MYO1D: variants seen among roughly 807,000 people sequenced by gnomAD.
The protein encoded by MYO1D is unconventional myosin-Id.
A neutral mutation model predicts 122.0 loss-of-function variants in MYO1D; 83 were observed. The ratio of observed to expected loss-of-function variants is 0.68; its 90% CI spans 0.57 to 0.82. The LOEUF (loss-of-function observed/expected upper bound fraction) is 0.82. Ranked by LOEUF, MYO1D falls within the 40% of genes least tolerant of loss-of-function variation. MYO1D has a pLI of 0.00. For synonymous variants in MYO1D, 464 were observed against 446.9 expected (o/e 1.04, Z -0.48); for missense variants, 1,157 against 1,269.5 (o/e 0.91, Z 1.35).
At chr17:32,666,914 T>G (rs2088644294) in intron 16 of MYO1D, among the ~76,000 whole-genome samples, 1 of 152,226 alleles carries the variant, frequency 6.6e-6, no homozygotes, top group Admixed American at 6.5e-5. Context: ...GCATCTTTCT[T>G]CCATTTCTAT....
intron 1 of MYO1D, among the ~76,000 whole-genome samples, chr17:32,822,800 C>G (rs972754974): frequency 7.3e-5 from 11 of 151,628 alleles, no homozygotes; most frequent in Admixed American, 3.9e-4. Flanking sequence ...CGCTCGCGAC[C>G]GCTCCTCAGT....
intron 16 of MYO1D, among the ~76,000 whole-genome samples, chr17:32,693,470 T>C (rs1007263565): frequency 5.3e-5 from 8 of 152,214 alleles, no homozygotes; most frequent in African/African-American, 1.9e-4. Context: ...AGGTGTATTT[T>C]AGCTAGCAAA....
intron 16 of MYO1D, among the ~76,000 whole-genome samples, chr17:32,696,808 T>C (rs568251419): frequency 1.3e-5 from 2 of 152,310 alleles, no homozygotes; most frequent in East Asian, 3.9e-4. Flanking sequence ...AATATTTGTT[T>C]GAATATTTTT....
rs75613230 is a variant in MYO1D, at chr17:32,649,481, T to C, written c.2595+4362A>G. On this transcript the variant is annotated intron_variant, in intron 19 of 21. Transcript: ENST00000318217. ...TCCATGTGTATCTGGTTATTTTTCTTAGTATAATATCAACGTTCACCTTGG... is the reference window on the plus strand; with the variant it reads ...TCCATGTGTATCTGGTTATTTTTCTCAGTATAATATCAACGTTCACCTTGG... Among the ~76,000 whole-genome samples, 734 of 152,294 alleles carry C rather than the reference T, an allele frequency of 4.8e-3. 3 individuals are homozygous for C. Among genetic ancestry groups the C allele is most frequent in the South Asian group, 6.0e-3 (29 of 4,826 alleles).
At chr17:32,713,468 C>CT (rs970353602) in intron 15 of MYO1D, among the ~76,000 whole-genome samples, 1 of 151,988 alleles carries the variant, frequency 6.6e-6, no homozygotes, top group African/African-American at 2.4e-5. Context: ...TAATTCTTTT[C>CT]TTTTTTAAAG....
chr17:32,652,511 T>A (rs1302838204), intron 19 of MYO1D, among the ~76,000 whole-genome samples: 3 of 152,204 alleles, frequency 2.0e-5, no homozygotes, highest in Non-Finnish European at 4.4e-5. Context: ...CTAGTTAATA[T>A]TTTTTAAAAA....
Position 32,622,816 on chromosome 17 carries a change from A to G in MYO1D, c.2709+15906T>C, listed in dbSNP as rs566387076. On this transcript the variant is annotated intron_variant, in intron 20 of 21. Transcript: ENST00000318217. ...GAACGATGCTGAGGACTTTCCACGC[A>G]TTATTTCATATACCTCATTTTGGGC... Among the ~76,000 whole-genome samples the G allele has an allele frequency of 7.2e-5, 11 of 152,318 alleles. No individual in the cohort carries two copies. The South Asian group carries it at 2.1e-3, about 29-fold the overall frequency.
chr17:32,873,103 T>C (rs2091197257), intron 1 of MYO1D, among the ~76,000 whole-genome samples: 2 of 152,028 alleles, frequency 1.3e-5, no homozygotes, highest in African/African-American at 4.8e-5. Context: ...GCCAGATTAA[T>C]AGCAAAACAA....
intron 16 of MYO1D, among the ~76,000 whole-genome samples, chr17:32,664,101 A>AT (rs1180229276): frequency 2.6e-5 from 4 of 152,322 alleles, no homozygotes; most frequent in African/African-American, 9.6e-5. Context: ...CTTAGGCTCT[A>AT]TTTTTTAACA....
chr17:32,712,097 T>G lies in MYO1D; in HGVS notation c.2012A>C (p.Asp671Ala), dbSNP rs1042658300. The G allele has an allele frequency of 6.2e-7, 1 of 1,614,138 alleles. No homozygotes were observed. The change falls in exon 16 of 22, where the codon GAT becomes GCT. Residue 671 changes from aspartate to alanine, a missense_variant. Coordinates refer to ENST00000318217, the MANE Select transcript of MYO1D (RefSeq NM_015194.3). ...AATTTTGGTCTTCCCATAAGCTACA[T>G]CATCCTGAAAACCACACCGTTCAAT... is the stretch of plus-strand genomic sequence containing the variant. ...KLIERCGFQDDVAYGKTKIFI... is the reference protein window; with the variant it reads ...KLIERCGFQDAVAYGKTKIFI...
chr17:32,536,373 A>C (rs1021917171), intron 21 of MYO1D, among the ~76,000 whole-genome samples: 5 of 152,224 alleles, frequency 3.3e-5, no homozygotes, highest in Non-Finnish European at 7.3e-5. Context: ...TTCTAGGTCT[A>C]AAAAAGGAAA....
At chr17:32,514,197 G>A (rs1909801472) in intron 21 of MYO1D, among the ~76,000 whole-genome samples, 1 of 130,336 alleles carries the variant, frequency 7.7e-6, no homozygotes, top group Non-Finnish European at 1.5e-5. Flanking sequence ...CTGAGATTGT[G>A]CCACTGCACT....
intron 19 of MYO1D, among the ~76,000 whole-genome samples, chr17:32,652,527 A>G (rs1338631775): frequency 6.6e-6 from 1 of 152,136 alleles, no homozygotes; most frequent in African/African-American, 2.4e-5. Context: ...AAAAATTATA[A>G]TTTCATTAAT....
At position 32,721,026 on chromosome 17, in the gene MYO1D, T is replaced by C. The variant is rs1288279376; in HGVS notation, c.1910A>G (p.His637Arg). ...AFRQTYEKFL[H>R]RYKMISEFTW... ...TCTCTGACGAGTCTATTCTCACCTG[T>C]GAAGAAACTTCTCGTATGTCTGGCG... Residue 637 changes from histidine to arginine, a missense_variant, in exon 15 of 22, where the codon CAC becomes CGC. His to Arg is a conservative substitution (Grantham distance 29). Coordinates refer to ENST00000318217, the MANE Select transcript of MYO1D (RefSeq NM_015194.3). 6.2e-7 allele frequency: 1 copy of C among 1,613,898 alleles called. No individual in the cohort carries two copies. Among genetic ancestry groups the C allele is most frequent in the Non-Finnish European group, 8.5e-7 (1 of 1,179,856 alleles).
At chr17:32,502,986 CG>C (rs1321982813) in intron 21 of MYO1D, among the ~76,000 whole-genome samples, 2 of 152,164 alleles carry the variant, frequency 1.3e-5, no homozygotes, top group Non-Finnish European at 2.9e-5. Context: ...CTGTGGAATT[CG>C]GGGACTTTCA....
intron 21 of MYO1D, among the ~76,000 whole-genome samples, chr17:32,593,198 T>C (rs986645237): frequency 7.2e-5 from 11 of 152,204 alleles, no homozygotes; most frequent in African/African-American, 2.4e-4. Context: ...AATTTCCCCC[T>C]GGTGGCAAGG....
chr17:32,749,517 G>A (rs1486204943), intron 11 of MYO1D, among the ~76,000 whole-genome samples: 1 of 152,136 alleles, frequency 6.6e-6, no homozygotes, highest in Admixed American at 6.5e-5. Context: ...GATTGCTTGA[G>A]ACCAGTAGTT....
chr17:32,791,363 C>CAAAAA (rs60741553), intron 1 of MYO1D, among the ~76,000 whole-genome samples: 5 of 49,458 alleles, frequency 1.0e-4, no homozygotes, highest in African/African-American at 1.9e-4. Context: ...GACTCCGTCT[C>CAAAAA]AAAAAAAAAA....
intron 21 of MYO1D, among the ~76,000 whole-genome samples, chr17:32,603,870 G>T (rs776934863): frequency 2.0e-5 from 3 of 152,026 alleles, no homozygotes; most frequent in Non-Finnish European, 4.4e-5. Flanking sequence ...CATTTATTTG[G>T]CAGATGGAAA....
Sources: allele counts gnomAD v4.1 joint callset (sites outside exome capture counted in the v4.1 genomes callset), GRCh38; gene constraint gnomAD v4.1.1; transcripts MANE v1.5; gene names NCBI Gene and HGNC (gene_info 2026-07-23, HGNC 2026-07-21).